The following MCEE variants were observed in gnomAD, a reference collection of about 807,000 sequenced individuals.
The protein encoded by MCEE is methylmalonyl-CoA epimerase, also known as methylmalonyl-CoA epimerase, mitochondrial.
In MCEE, 6 loss-of-function variants were observed where a neutral mutation model predicts 12.9. The observed-to-expected ratio is 0.47, with a 90% CI of 0.26 to 0.92. MCEE has a LOEUF of 0.92. MCEE is among the 40% of genes least tolerant of loss of function. MCEE has a pLI of 0.16. For missense variants in MCEE, 214 were observed against 212.1 expected (o/e 1.01, Z -0.05); for synonymous variants, 78 against 77.9 (o/e 1.00, Z -0.01).
At position 71,109,878 on chromosome 2, in the gene MCEE, G is replaced by A. The variant is rs571775252; in HGVS notation, c.*92C>T. On this transcript the variant is annotated 3_prime_UTR_variant, in exon 3 of 3. Coordinates refer to ENST00000244217, the MANE Select transcript of MCEE (RefSeq NM_032601.4). The stretch of plus-strand genomic sequence containing the variant: ...CTTTAACTGTGAACTTTTACATGAT[G>A]GAAGCAGTGAAGGACTCAATGTCAT... 50 of 1,229,670 alleles carry A rather than the reference G, an allele frequency of 4.1e-5. No individual in the cohort carries two copies. In the South Asian group the frequency reaches 5.7e-4, roughly 14 times the overall value. The allele number at this position is 1,229,670 out of a possible 1,614,324, so 76.2% of individuals were successfully genotyped here.
rs373053776 is a variant in MCEE, at chr2:71,124,464, A to G, written c.120T>C (p.Gly40=). ...STSQPLDQVT[G]SVWNLGRLNH... is the part of the protein sequence containing the mutation. ...TGAGTCGACCCAGGTTCCACACAGA[A>G]CCTGTCACTTGATCCAAGGGCTGTG... is the stretch of plus-strand genomic sequence containing the variant. The change falls in exon 2 of 3, where the codon GGT becomes GGC. Residue 40 remains glycine, a synonymous_variant. Coordinates refer to ENST00000244217, the MANE Select transcript of MCEE (RefSeq NM_032601.4). 7.8e-4 allele frequency: 1,259 copies of G among 1,614,086 alleles called. 14 individuals carry two copies. In the South Asian group the frequency reaches 0.013, roughly 17 times the overall value.
Position 71,124,616 on chromosome 2 carries a change from A to G in MCEE, c.41-73T>C, listed in dbSNP as rs1427663566. The G allele has an allele frequency of 4.3e-6, 5 of 1,163,764 alleles. No individual in the cohort carries two copies. The Admixed American group carries it at 6.9e-5, about 16-fold the overall frequency. 72.1% of individuals were successfully genotyped at this position (1,163,764 alleles called of 1,614,324 possible). ...ACTTCTAAATTGAATTTTAAAAACT[A>G]AACAAATAATGCATGCAAAAATTCA... On this transcript the variant is annotated intron_variant, in intron 1 of 2. Transcript: ENST00000244217.
chr2:71,124,725 G>A (rs1204055169), intron 1 of MCEE, among the ~76,000 whole-genome samples, 182 bp from the exon 2 acceptor site: 3 of 152,052 alleles, frequency 2.0e-5, no homozygotes, highest in Non-Finnish European at 4.4e-5. Flanking sequence ...ACTCTGCTCT[G>A]CCCATTCAAA....
rs771550310 is a variant in MCEE, at chr2:71,129,432, CCTT to C, written c.40+745_40+747del. Among the ~76,000 whole-genome samples the C allele has an allele frequency of 9.3e-4, 141 of 151,688 alleles. 1 individual carries two copies. Among genetic ancestry groups the C allele is most frequent in the Admixed American group, 2.8e-3 (42 of 15,226 alleles). On this transcript the variant is annotated intron_variant, in intron 1 of 2. Transcript: ENST00000244217. ...AACTCTGGGGCATTACCACTTGGCA[CCTT>C]CTTCCTAATAGGGAATCTCAGATTA...
chr2:71,117,263 G>T (rs941888765), intron 2 of MCEE, among the ~76,000 whole-genome samples: 4 of 150,574 alleles, frequency 2.7e-5, no homozygotes, highest in Admixed American at 1.3e-4. Flanking sequence ...GATGGTTCCA[G>T]TCTTCTTGGA....
chr2:71,115,707 T>A (rs902959031), intron 2 of MCEE, among the ~76,000 whole-genome samples: 10 of 144,688 alleles, frequency 6.9e-5, no homozygotes, highest in African/African-American at 2.7e-4. Context: ...ACCCATCTTT[T>A]AAAAAAAGGG....
At chr2:71,123,499 A>G (rs1054884686) in intron 2 of MCEE, among the ~76,000 whole-genome samples, 1 of 151,966 alleles carries the variant, frequency 6.6e-6, no homozygotes, top group Admixed American at 6.6e-5. Flanking sequence ...TCTCAAAAAA[A>G]AAAAAAAAAA....
rs532726721 is a variant in MCEE at position 71,123,813 on chromosome 2, A to G, written c.378+393T>C. ...TTAAAGAGAGAAAAGAGTTATAAAGAATACTTAGCATGTACACTGAAAGCT... is the reference window on the plus strand; with the variant it reads ...TTAAAGAGAGAAAAGAGTTATAAAGGATACTTAGCATGTACACTGAAAGCT... On this transcript the variant is annotated intron_variant, in intron 2 of 2. Transcript: ENST00000244217. 4.7e-4 allele frequency among the ~76,000 whole-genome samples: 71 copies of G among 152,340 alleles called. 1 individual carries two copies. In the South Asian group the frequency reaches 5.8e-3, roughly 12 times the overall value.
chr2:71,130,178 AC>A lies in MCEE; in HGVS notation c.40+1del, dbSNP rs781669951. 1 of 1,608,694 alleles carries A rather than the reference AC, an allele frequency of 6.2e-7. No individual in the cohort carries two copies. The highest frequency in any genetic ancestry group is 2.2e-5 in the East Asian group (1 of 44,682). ...CGAAGGTCGCCGGTGCCCGGTATTCACCTACGGCATTCGCGGCTGCAGCCTT... is the reference window on the plus strand; with the variant it reads ...CGAAGGTCGCCGGTGCCCGGTATTCACTACGGCATTCGCGGCTGCAGCCTT... On this transcript the variant is annotated splice_donor_variant, in intron 1 of 2. Coordinates refer to ENST00000244217, the MANE Select transcript of MCEE (RefSeq NM_032601.4). LOFTEE classifies it high-confidence loss of function.
intron 2 of MCEE, among the ~76,000 whole-genome samples, chr2:71,119,375 C>A (rs1002083426): frequency 1.3e-5 from 2 of 150,272 alleles, no homozygotes; most frequent in African/African-American, 5.0e-5. Flanking sequence ...TCAACACAGA[C>A]AAAGTACAAT....
intron 2 of MCEE, among the ~76,000 whole-genome samples, chr2:71,122,457 A>C (rs922392609): frequency 6.6e-6 from 1 of 152,312 alleles, no homozygotes; most frequent in South Asian, 2.1e-4. Context: ...GACATACCCG[A>C]GACTGGGCAA....
At chr2:71,121,418 C>G (rs1490577381) in intron 2 of MCEE, among the ~76,000 whole-genome samples, 1 of 152,164 alleles carries the variant, frequency 6.6e-6, no homozygotes. Flanking sequence ...AAAATAAAAT[C>G]TTGTTAAGCC....
intron 1 of MCEE, among the ~76,000 whole-genome samples, chr2:71,125,211 A>ATATATATATATATATATTT: frequency 2.1e-5 from 1 of 48,594 alleles, no homozygotes; most frequent in Non-Finnish European, 4.4e-5. Flanking sequence ...ATATATATAT[A>ATATATATATATATATATTT]TTTTTTTTTT....
chr2:71,111,587 T>G (rs1212471837), intron 2 of MCEE, among the ~76,000 whole-genome samples: 1 of 152,162 alleles, frequency 6.6e-6, no homozygotes, highest in Non-Finnish European at 1.5e-5. Context: ...AGGGGTTCTA[T>G]TCTAGCTTCC....
intron 2 of MCEE, among the ~76,000 whole-genome samples, chr2:71,114,381 A>T (rs1358058414): frequency 2.0e-5 from 3 of 152,164 alleles, no homozygotes; most frequent in African/African-American, 7.2e-5. Flanking sequence ...GAAATCCTAG[A>T]TGGGATCCTG....
chr2:71,127,574 G>T (rs913997335), intron 1 of MCEE, among the ~76,000 whole-genome samples: 5 of 152,062 alleles, frequency 3.3e-5, no homozygotes, highest in Non-Finnish European at 5.9e-5. Flanking sequence ...TCATTTCTTT[G>T]CATCTTTGCA....
In MCEE at chr2:71,119,306, T is replaced by C. The variant is rs1052178814; in HGVS notation, c.378+4900A>G. Among the ~76,000 whole-genome samples, 18 of 150,232 alleles carry C rather than the reference T, an allele frequency of 1.2e-4. 3 individuals carry two copies. Among genetic ancestry groups the C allele is most frequent in the African/African-American group, 4.3e-4 (17 of 39,624 alleles). On this transcript the variant is annotated intron_variant, in intron 2 of 2. Transcript: ENST00000244217. ...GTCTATTCCTCCTTGGCTACAAACC[T>C]GTACAGCATGTTACTGAAAACTGTA...
chr2:71,116,185 G>A (rs1360503422), intron 2 of MCEE, among the ~76,000 whole-genome samples: 3 of 149,344 alleles, frequency 2.0e-5, no homozygotes, highest in Admixed American at 6.6e-5. Context: ...GGTTCATGCC[G>A]TTCTCCTGCC....
chr2:71,114,286 A>G (rs1465769366), intron 2 of MCEE, among the ~76,000 whole-genome samples: 1 of 152,156 alleles, frequency 6.6e-6, no homozygotes, highest in Admixed American at 6.5e-5. Context: ...CCACCATGGC[A>G]TACGTTTACC....
Sources: allele counts gnomAD v4.1 joint callset (sites outside exome capture counted in the v4.1 genomes callset), GRCh38; gene constraint gnomAD v4.1.1; transcripts MANE v1.5; gene names NCBI Gene and HGNC (gene_info 2026-07-23, HGNC 2026-07-21).